Variants in NID1 observed in about 807,000 individuals in gnomAD.
NID1 encodes nidogen 1.
Under a neutral mutation model 130.6 loss-of-function variants are expected in NID1, and 76 were observed. That is an observed-to-expected ratio of 0.58 (90% CI 0.48 to 0.70). The LOEUF (loss-of-function observed/expected upper bound fraction) is 0.70, where lower values mean the gene tolerates loss of function less well. Ranked by LOEUF, NID1 falls within the 30% of genes least tolerant of loss-of-function variation. NID1 has a pLI of 0.00. For synonymous variants in NID1, 665 were observed against 675.1 expected (o/e 0.98, Z 0.23); for missense variants, 1,517 against 1,664.8 (o/e 0.91, Z 1.54).
At chr1:236,024,726 C>T (rs540340995) in intron 8 of NID1, among the ~76,000 whole-genome samples, 1 of 152,256 alleles carries the variant, frequency 6.6e-6, no homozygotes, top group East Asian at 1.9e-4. Context: ...AGGCTCAGAC[C>T]AGACTCCAAT....
intron 11 of NID1, among the ~76,000 whole-genome samples, chr1:236,012,558 C>CAAAAAAAAAAAAAAAA (rs56183830): frequency 1.0e-5 from 1 of 98,086 alleles, no homozygotes; most frequent in Non-Finnish European, 2.1e-5. Flanking sequence ...AATGCCATCT[C>CAAAAAAAAAAAAAAAA]AAAAAAAAAA....
rs77892464 is a variant in NID1, at chr1:236,041,810, C to T, written c.1135+100G>A. 5,091 of 1,437,562 alleles carry T rather than the reference C, an allele frequency of 3.5e-3. 124 individuals carry two copies. In the African/African-American group the frequency reaches 0.062, roughly 17 times the overall value. 89.1% of individuals were successfully genotyped at this position (1,437,562 alleles called of 1,614,324 possible). ...TTTCCCAAGCTCTTATCTTTACAAA[C>T]CACCATGTAATGCTCACAACTGACA... On this transcript the variant is annotated intron_variant, in intron 4 of 19. Transcript: ENST00000264187.
chr1:235,984,424 G>C (rs1657519224), intron 15 of NID1, among the ~76,000 whole-genome samples: 1 of 152,192 alleles, frequency 6.6e-6, no homozygotes. Flanking sequence ...AATGCTTCGG[G>C]AGTTGTTCCA....
chr1:236,044,011 T>G (rs12080286), intron 3 of NID1, among the ~76,000 whole-genome samples: 2,565 of 152,302 alleles, frequency 0.017, 77 homozygotes, highest in African/African-American at 0.058. Context: ...GTGTCTGTGA[T>G]TGGAAGTGCT....
chr1:236,049,496 G>A (rs576991686), intron 1 of NID1, among the ~76,000 whole-genome samples: 3 of 151,824 alleles, frequency 2.0e-5, no homozygotes, highest in Non-Finnish European at 4.4e-5. Flanking sequence ...GAAAAAGAAA[G>A]AAAAGAAAAA....
chr1:236,027,597 A>G (rs1658975015), intron 7 of NID1, among the ~76,000 whole-genome samples: 1 of 152,208 alleles, frequency 6.6e-6, no homozygotes, highest in African/African-American at 2.4e-5. Flanking sequence ...GGGAGGCTGA[A>G]GCGGGAGGAT....
chr1:236,026,168 C>A (rs1230986343), intron 7 of NID1, 27 bp from the exon 8 acceptor site: 1 of 1,609,878 alleles, frequency 6.2e-7, no homozygotes, highest in Admixed American at 1.7e-5. Flanking sequence ...ATGGAGGGGA[C>A]AAGGCAGGGA....
chr1:235,979,945 C>G lies in NID1; in HGVS notation c.3386G>C (p.Gly1129Ala). 1.2e-6 allele frequency: 2 copies of G among 1,613,922 alleles called. No homozygotes were observed. The highest frequency in any genetic ancestry group is 1.7e-6 in the Non-Finnish European group (2 of 1,179,876). Residue 1129 changes from glycine to alanine, a missense_variant and splice_region_variant, in exon 18 of 20, where the codon GGC (glycine) becomes GCC (alanine). Coordinates refer to ENST00000264187, the MANE Select transcript of NID1 (RefSeq NM_002508.3). The surrounding 1 kb of genome is among the most constrained non-coding windows in gnomAD (Gnocchi z 4.6). ...FSSQLCWVDAGTNRAECLNPS... is the reference protein window; with the variant it reads ...FSSQLCWVDAATNRAECLNPS... Reference sequence around the variant, plus strand: ...GTTCAGGCATTCCGCCCGATTGGTGCCTGTGTGGAGTGGAAACAATTCATT... The same window carrying G: ...GTTCAGGCATTCCGCCCGATTGGTGGCTGTGTGGAGTGGAAACAATTCATT...
chr1:236,034,968 G>GTTTTTTTTTTTTT (rs1433268048), intron 5 of NID1, among the ~76,000 whole-genome samples: 1 of 122,644 alleles, frequency 8.2e-6, no homozygotes, highest in African/African-American at 4.6e-5. Flanking sequence ...TCTCGGCAGA[G>GTTTTTTTTTTTTT]TTTTCTTTTT....
intron 7 of NID1, among the ~76,000 whole-genome samples, chr1:236,028,954 A>T (rs1356952305): frequency 6.6e-6 from 1 of 152,194 alleles, no homozygotes; most frequent in Non-Finnish European, 1.5e-5. Context: ...AGCCAGGCAG[A>T]TCACTTGAGG....
chr1:236,053,309 T>G (rs967696048), intron 1 of NID1, among the ~76,000 whole-genome samples: 5 of 152,340 alleles, frequency 3.3e-5, no homozygotes, highest in Admixed American at 2.0e-4. Flanking sequence ...TTAAATGTTG[T>G]TTCTGTCAAT....
At position 236,058,625 on chromosome 1, in the gene NID1, GTC is replaced by G. The variant is rs2102852691; in HGVS notation, c.225+6228_225+6229del. Among the ~76,000 whole-genome samples, 2 of 152,288 alleles carry G rather than the reference GTC, an allele frequency of 1.3e-5. 1 individual carries two copies. Among genetic ancestry groups the G allele is most frequent in the South Asian group, 4.1e-4 (2 of 4,826 alleles). ...CAGATAGCATGAATCACCGGAGAAA[GTC>G]TATATGCAGATGCTCAATAAATTTA... On this transcript the variant is annotated intron_variant, in intron 1 of 19. Transcript: ENST00000264187.
intron 1 of NID1, 105 bp downstream of exon 1, chr1:236,064,750 G>T: frequency 9.5e-7 from 1 of 1,047,172 alleles, no homozygotes; most frequent in Non-Finnish European, 1.3e-6. Flanking sequence ...GGCGGCCAGC[G>T]GGTCCGGGTC....
chr1:235,990,854 G>A (rs1235970891), intron 14 of NID1, 32 bp downstream of exon 14: 1 of 1,612,174 alleles, frequency 6.2e-7, no homozygotes, highest in Non-Finnish European at 8.5e-7. Flanking sequence ...TGAAGCAGGA[G>A]CTGTCACCAG....
At chr1:235,990,784 T>C in intron 14 of NID1, 102 bp downstream of exon 14, 1 of 1,286,898 alleles carries the variant, frequency 7.8e-7, no homozygotes, top group Non-Finnish European at 1.1e-6. Context: ...GCACCCATGG[T>C]TCCAGGGGTT....
At chr1:235,978,860 C>T in intron 19 of NID1, 135 bp downstream of exon 19, 1 of 625,952 alleles carries the variant, frequency 1.6e-6, no homozygotes, top group Non-Finnish European at 2.9e-6. Context: ...TAATGAAGAC[C>T]CTGGATGCAA....
rs547265165 is a variant in NID1, at chr1:236,002,007, A to G, written c.2528-8135T>C. On this transcript the variant is annotated intron_variant, in intron 12 of 19. Coordinates refer to ENST00000264187, the MANE Select transcript of NID1 (RefSeq NM_002508.3). ...GCACTTACTCACTAGTGTTATAAGC[A>G]TTTAGTGAAAGCTGCCATCAGCCAG... Among the ~76,000 whole-genome samples, 80 of 152,352 alleles carry G rather than the reference A, an allele frequency of 5.3e-4. 1 individual carries two copies. The highest frequency in any genetic ancestry group is 7.9e-4 in the Non-Finnish European group (54 of 68,034).
In NID1 at chr1:235,991,043, G is replaced by T; in HGVS notation, c.2771C>A (p.Ala924Asp). ...CGCAGGTCCTTGGTGAATCGGGGGA[G>T]CCACTGTACTCAGACCTGCATGGCA... is the stretch of plus-strand genomic sequence containing the variant. Reference protein sequence around the residue: ...GMTPPCLSTVAPPIHQGPAVP... With the variant: ...GMTPPCLSTVDPPIHQGPAVP... The change falls in exon 14 of 20, where the codon GCT becomes GAT. Residue 924 changes from alanine (A) to aspartate (D), a missense_variant. Coordinates refer to ENST00000264187, the MANE Select transcript of NID1 (RefSeq NM_002508.3). The T allele has an allele frequency of 6.2e-7, 1 of 1,600,328 alleles. No individual in the cohort carries two copies. Among genetic ancestry groups the T allele is most frequent in the Non-Finnish European group, 8.5e-7 (1 of 1,173,618 alleles).
chr1:235,996,523 A>G (rs1011663455), intron 12 of NID1, among the ~76,000 whole-genome samples: 1 of 151,832 alleles, frequency 6.6e-6, no homozygotes, highest in African/African-American at 2.4e-5. Flanking sequence ...GTTCACTGCA[A>G]CCTTAACCTC....
Sources: gnomAD v4.1 joint callset for allele counts (sites outside exome capture counted in the v4.1 genomes callset) on GRCh38, gnomAD v4.1.1 for gene constraint, Gnocchi (gnomAD v3.1) non-coding constraint, MANE v1.5 for transcripts, NCBI Gene and HGNC (gene_info 2026-07-23, HGNC 2026-07-21) for gene names.